Variants in BCAN observed in about 807,000 individuals in gnomAD.
BCAN encodes the protein brevican.
In BCAN, 51 loss-of-function variants were observed where a neutral mutation model predicts 92.4. The ratio of observed to expected loss-of-function variants is 0.55; its 90% confidence interval spans 0.44 to 0.70. The LOEUF (loss-of-function observed/expected upper bound fraction) is 0.70, where lower values mean the gene tolerates loss of function less well. Ranked by LOEUF, BCAN falls within the 30% of genes least tolerant of loss-of-function variation. The pLI is 0.00. For missense variants in BCAN, 1,140 were observed against 1,212.1 expected (o/e 0.94, Z 0.88); for synonymous variants, 501 against 505.2 (o/e 0.99, Z 0.11).
At position 156,658,429 on chromosome 1, in the gene BCAN, G is replaced by A. The variant is rs962585598; in HGVS notation, c.2438-114G>A. On this transcript the variant is annotated intron_variant, in intron 12 of 13. Coordinates refer to ENST00000329117, the MANE Select transcript of BCAN (RefSeq NM_021948.5). This position sits in a 1 kb window ranked among gnomAD's most constrained non-coding sequence, Gnocchi z 4.4. ...GCTAACAAGTTACGTGGGTCCACTC[G>A]GAATCCCTGATCTTTTTTTGTCATG... 1.7e-4 allele frequency: 247 copies of A among 1,468,914 alleles called. No individual in the cohort carries two copies. The highest frequency in any genetic ancestry group is 2.1e-4 in the Admixed American group (10 of 47,210). 91.0% of individuals were successfully genotyped at this position (1,468,914 alleles called of 1,614,324 possible). A position where few individuals can be genotyped will look rare whatever the true frequency, so the allele number is the denominator to read the frequency against.
At position 156,642,847 on chromosome 1, in the gene BCAN, G is replaced by A. The variant is rs891825508; in HGVS notation, c.-9+572G>A. On this transcript the variant is annotated intron_variant, in intron 1 of 13. Transcript: ENST00000329117. This position sits in a 1 kb window ranked among gnomAD's most constrained non-coding sequence, Gnocchi z 4.2. ...TCTCTGAACCTCGGGTTCCTCATCG[G>A]TGTAATGAGCAAAACATAAACAATC... 3.9e-5 allele frequency: 6 copies of A among 152,238 alleles called. No homozygotes were observed. The highest frequency in any genetic ancestry group is 1.2e-4 in the African/African-American group (5 of 41,454). 9.4% of individuals were successfully genotyped at this position (152,238 alleles called of 1,614,324 possible).
rs1465520549 is a variant in BCAN, at chr1:156,652,418, G to A, written c.1468G>A (p.Gly490Ser). The A allele has an allele frequency of 1.2e-6, 2 of 1,605,148 alleles. No individual in the cohort carries two copies. The highest frequency in any genetic ancestry group is 3.3e-4 in the Middle Eastern group (2 of 6,036). The change falls in exon 8 of 14, where the codon GGC becomes AGC. Residue 490 changes from glycine to serine, a missense_variant. By Grantham distance (56) the Gly-to-Ser change is moderately conservative (BLOSUM62 0). Coordinates refer to ENST00000329117, the MANE Select transcript of BCAN (RefSeq NM_021948.5). Reference protein sequence around the residue: ...WAWPSELSSPGPEASLPTEPA... With the variant: ...WAWPSELSSPSPEASLPTEPA... The stretch of plus-strand genomic sequence containing the variant: ...ATGGCCCAGCGAGCTCAGCAGCCCG[G>A]GCCCTGAGGCCTCTCTCCCCACTGA...
chr1:156,647,678 G>A lies in BCAN; in HGVS notation c.637G>A (p.Val213Met), dbSNP rs1274471545. The change falls in exon 4 of 14, where the codon GTG becomes ATG. Residue 213 changes from valine to methionine, a missense_variant. Physicochemically the swap from Val to Met is conservative, Grantham distance 21. Around this residue, in one of 3 missense-constraint regions of BCAN, gnomAD observed 29 missense variants for 56.2 expected, o/e 0.52. Coordinates refer to ENST00000329117, the MANE Select transcript of BCAN (RefSeq NM_021948.5). The surrounding 1 kb of genome is among the most constrained non-coding windows in gnomAD (Gnocchi z 4.8). Reference protein sequence around the residue: ...CDAGWLSDQTVRYPIQTPREA... With the variant: ...CDAGWLSDQTMRYPIQTPREA... ...TGCTGGCTGGCTGTCGGATCAGACC[G>A]TGAGGTGGGCAGGGGCTGTGGATTG... The A allele has an allele frequency of 6.3e-6, 10 of 1,587,668 alleles. No individual in the cohort carries two copies. The highest frequency in any genetic ancestry group is 8.6e-6 in the Non-Finnish European group (10 of 1,165,772).
intron 6 of BCAN, chr1:156,650,034 C>A: frequency 2.1e-6 from 1 of 469,184 alleles, no homozygotes; most frequent in Non-Finnish European, 4.3e-6. Context: ...TTGGACAGAT[C>A]TGTGGACATA....
chr1:156,642,411 C>A lies in BCAN; in HGVS notation c.-9+136C>A, dbSNP rs1338447020. 1 of 152,532 alleles carries A rather than the reference C, an allele frequency of 6.6e-6. No homozygotes were observed. Among genetic ancestry groups the A allele is most frequent in the Non-Finnish European group, 1.5e-5 (1 of 68,292 alleles). The allele number at this position is 152,532 out of a possible 1,614,324, so 9.4% of individuals were successfully genotyped here. ...GCACCCAACTCGTCGACTCCTGACA[C>A]CGCAGCGGGGTAGGCTGCTGGACAG... On this transcript the variant is annotated intron_variant, in intron 1 of 13. Coordinates refer to ENST00000329117, the MANE Select transcript of BCAN (RefSeq NM_021948.5). The surrounding 1 kb of genome is among the most constrained non-coding windows in gnomAD (Gnocchi z 4.2).
At position 156,647,012 on chromosome 1, in the gene BCAN, C is replaced by G. The variant is rs1184129022; in HGVS notation, c.303C>G (p.Asn101Lys). ...CGCGGGGAGTGCGCGTCAAGGTGAA[C>G]GAGGCCTACCGGTTCCGCGTGGCAC... The part of the protein sequence containing the change: ...LVARGVRVKV[N>K]EAYRFRVALP... The change falls in exon 3 of 14, where the codon AAC (asparagine) becomes AAG (lysine). Residue 101 changes from asparagine to lysine, a missense_variant. Around this residue, in one of 3 missense-constraint regions of BCAN, gnomAD observed 286 missense variants for 284.1 expected, o/e 1.01. Coordinates refer to ENST00000329117, the MANE Select transcript of BCAN (RefSeq NM_021948.5). This position sits in a 1 kb window ranked among gnomAD's most constrained non-coding sequence, Gnocchi z 4.8. 34 of 1,612,814 alleles carry G rather than the reference C, an allele frequency of 2.1e-5. No homozygotes were observed. The highest frequency in any genetic ancestry group is 2.8e-5 in the Non-Finnish European group (33 of 1,179,424).
Position 156,659,384 on chromosome 1 carries a change from C to T in BCAN, c.*250C>T. ...AGTAAATCCCTAAGTGCCTCAACTG[C>T]CCTCTCCCTGGCAGCCATCTTGTCC... On this transcript the variant is annotated 3_prime_UTR_variant, in exon 14 of 14. Coordinates refer to ENST00000329117, the MANE Select transcript of BCAN (RefSeq NM_021948.5). 2.0e-6 allele frequency: 1 copy of T among 505,520 alleles called. No homozygotes were observed. The highest frequency in any genetic ancestry group is 3.5e-5 in the East Asian group (1 of 28,748). 31.3% of individuals were successfully genotyped at this position (505,520 alleles called of 1,614,324 possible).
chr1:156,646,781 C>T lies in BCAN; in HGVS notation c.92-20C>T. Reference sequence around the variant, plus strand: ...GAGGGTCGACAGCGTTAAGTTCCAGCCGGCTCCACCCGTTCACAGAGGACC... The same window carrying T: ...GAGGGTCGACAGCGTTAAGTTCCAGTCGGCTCCACCCGTTCACAGAGGACC... On this transcript the variant is annotated intron_variant, in intron 2 of 13. Coordinates refer to ENST00000329117, the MANE Select transcript of BCAN (RefSeq NM_021948.5). 1 of 1,526,530 alleles carries T rather than the reference C, an allele frequency of 6.6e-7. No individual in the cohort carries two copies. 94.6% of individuals were successfully genotyped at this position (1,526,530 alleles called of 1,614,324 possible).
intron 6 of BCAN, among the ~76,000 whole-genome samples, chr1:156,650,339 A>C (rs1306788496): frequency 6.6e-6 from 1 of 152,070 alleles, no homozygotes; most frequent in Non-Finnish European, 1.5e-5. Flanking sequence ...GTGAGGAGTA[A>C]GGCTCACTGG....
At chr1:156,653,501 G>A in intron 8 of BCAN, 1 of 986,824 alleles carries the variant, frequency 1.0e-6, no homozygotes, top group Non-Finnish European at 1.2e-6. Flanking sequence ...TCCATCTCCT[G>A]CTGTCCACCT....
At chr1:156,645,151 G>T (rs1477335382) in intron 1 of BCAN, among the ~76,000 whole-genome samples, 1 of 151,026 alleles carries the variant, frequency 6.6e-6, no homozygotes, top group Non-Finnish European at 1.5e-5. Context: ...GGTAGGAAGG[G>T]GTAGCCCCTC....
intron 8 of BCAN, 189 bp downstream of exon 8, chr1:156,653,081 A>G: frequency 6.9e-7 from 1 of 1,452,880 alleles, no homozygotes; most frequent in South Asian, 1.4e-5. Flanking sequence ...TGGGTATCTC[A>G]GCTCTCCGCG....
chr1:156,648,634 A>T lies in BCAN; in HGVS notation c.836A>T (p.Glu279Val). 6.2e-7 allele frequency: 1 copy of T among 1,610,992 alleles called. No individual in the cohort carries two copies. The highest frequency in any genetic ancestry group is 8.5e-7 in the Non-Finnish European group (1 of 1,177,406). The change falls in exon 6 of 14, where the codon GAG (glutamate) becomes GTG (valine). Residue 279 changes from glutamate (E) to valine (V), a missense_variant. Coordinates refer to ENST00000329117, the MANE Select transcript of BCAN (RefSeq NM_021948.5). ...GAGGAAGCACGGGCGTACTGCCAGG[A>T]GCGGGGTGCAGAGATTGCCACCACG... ...TLEEARAYCQ[E>V]RGAEIATTGQ...
At chr1:156,645,989 G>T in intron 1 of BCAN, 58 bp from the exon 2 acceptor site, 1 of 1,457,240 alleles carries the variant, frequency 6.9e-7, no homozygotes, top group East Asian at 2.4e-5. Context: ...GTAGGGAGCA[G>T]GGGGGAAGTC....
chr1:156,648,993 C>T, intron 6 of BCAN, 132 bp downstream of exon 6: 2 of 1,099,314 alleles, frequency 1.8e-6, no homozygotes, highest in Non-Finnish European at 2.5e-6. Context: ...GGGTGAAGTC[C>T]AGCTTGTCAT....
Position 156,647,725 on chromosome 1 carries a change from G to T in BCAN, c.641+43G>T, listed in dbSNP as rs753589706. The T allele has an allele frequency of 3.2e-6, 5 of 1,559,000 alleles. No homozygotes were observed. The highest frequency in any genetic ancestry group is 1.8e-5 in the Admixed American group (1 of 54,626). On this transcript the variant is annotated intron_variant, in intron 4 of 13. Transcript: ENST00000329117. This position sits in a 1 kb window ranked among gnomAD's most constrained non-coding sequence, Gnocchi z 4.8. ...ATTGGGGCTTCTATTGGCCCCTGAG[G>T]TGGCCATGGCCCCCCTTCTGCTGGG...
chr1:156,653,024 C>G, intron 8 of BCAN, 132 bp downstream of exon 8: 1 of 1,519,142 alleles, frequency 6.6e-7, no homozygotes. Context: ...CCTTCATTCT[C>G]TTACCCACCT....
In BCAN at chr1:156,658,785, C is replaced by G; in HGVS notation, c.2628+52C>G. The G allele has an allele frequency of 1.2e-6, 2 of 1,604,522 alleles. No homozygotes were observed. Among genetic ancestry groups the G allele is most frequent in the Non-Finnish European group, 1.7e-6 (2 of 1,173,160 alleles). ...AGTGGGAGACAGTAGCCAACAGTAG[C>G]CTTGGACTCCACTTAAAGTCCTGCC... On this transcript the variant is annotated intron_variant, in intron 13 of 13. Coordinates refer to ENST00000329117, the MANE Select transcript of BCAN (RefSeq NM_021948.5). The surrounding 1 kb of genome is among the most constrained non-coding windows in gnomAD (Gnocchi z 4.4).
Position 156,656,697 on chromosome 1 carries a change from G to A in BCAN, c.2051-241G>A, listed in dbSNP as rs1679341126. 5.3e-6 allele frequency: 3 copies of A among 565,844 alleles called. 1 individual carries two copies. Among genetic ancestry groups the A allele is most frequent in the South Asian group, 5.4e-5 (2 of 37,088 alleles). 35.1% of individuals were successfully genotyped at this position (565,844 alleles called of 1,614,324 possible). Reference sequence around the variant, plus strand: ...ACTGCTCGTTAGGATGGAGACCCAGGCCGGAACTCCATCCCTCACCCTGGT... The same window carrying A: ...ACTGCTCGTTAGGATGGAGACCCAGACCGGAACTCCATCCCTCACCCTGGT... On this transcript the variant is annotated intron_variant, in intron 9 of 13. Coordinates refer to ENST00000329117, the MANE Select transcript of BCAN (RefSeq NM_021948.5).
Sources: allele counts gnomAD v4.1 joint callset (sites outside exome capture counted in the v4.1 genomes callset), GRCh38; gene constraint gnomAD v4.1.1; regional missense constraint gnomAD v4.1.1; non-coding constraint Gnocchi (gnomAD v3.1); transcripts MANE v1.5; gene names NCBI Gene and HGNC (gene_info 2026-07-23, HGNC 2026-07-21).